Variants in EPHA6 observed in about 807,000 individuals in gnomAD.
The protein encoded by EPHA6 is EPH receptor A6.
EPHA6 carries 50 observed loss-of-function variants against 112.0 expected under a neutral mutation model. That is an observed-to-expected ratio of 0.45 (90% confidence interval 0.36 to 0.56). The LOEUF is 0.56. Among genes scored for constraint, EPHA6 ranks in the 20% least tolerant of loss-of-function variants. The pLI is 0.00. For missense variants in EPHA6, 1,280 were observed against 1,417.4 expected (o/e 0.90, Z 1.56); for synonymous variants, 529 against 490.7 (o/e 1.08, Z -1.03).
At position 97,263,527 on chromosome 3, in the gene EPHA6, C is replaced by T. The variant is rs377703739; in HGVS notation, c.1606+19240C>T. Among the ~76,000 whole-genome samples, 572 of 150,644 alleles carry T rather than the reference C, an allele frequency of 3.8e-3. 2 individuals are homozygous for T. Among genetic ancestry groups the T allele is most frequent in the African/African-American group, 0.013 (534 of 41,194 alleles). On this transcript the variant is annotated intron_variant, in intron 5 of 17. Coordinates refer to ENST00000389672, the MANE Select transcript of EPHA6 (RefSeq NM_001080448.3). ...CAATGCAACTACTTACTTTTCTTAA[C>T]TTACAATAATATAATAAAAATATAT...
At position 97,349,428 on chromosome 3, in the gene EPHA6, A is replaced by G. The variant is rs538604387; in HGVS notation, c.1607-55722A>G. 2.0e-5 allele frequency among the ~76,000 whole-genome samples: 3 copies of G among 152,166 alleles called. No homozygotes were observed. In the South Asian group the frequency reaches 6.2e-4, roughly 32 times the overall value. On this transcript the variant is annotated intron_variant, in intron 5 of 17. Coordinates refer to ENST00000389672, the MANE Select transcript of EPHA6 (RefSeq NM_001080448.3). ...TAATCAACAACTCCTCACACATACC[A>G]TTGTCAGCATCATCAACCCATATTT...
chr3:97,406,738 C>CATAG (rs1464210740), intron 6 of EPHA6, among the ~76,000 whole-genome samples: 4 of 152,072 alleles, frequency 2.6e-5, no homozygotes, highest in Non-Finnish European at 5.9e-5. Flanking sequence ...CTTTAAGTGA[C>CATAG]ATAGATAAAT....
At chr3:97,673,341 G>A (rs954786123) in intron 14 of EPHA6, among the ~76,000 whole-genome samples, 3 of 152,178 alleles carry the variant, frequency 2.0e-5, no homozygotes, top group Middle Eastern at 3.2e-3. Flanking sequence ...GAATGGGATG[G>A]CATGAACATT....
intron 11 of EPHA6, among the ~76,000 whole-genome samples, chr3:97,557,008 T>C (rs2093121078): frequency 6.6e-6 from 1 of 152,020 alleles, no homozygotes; most frequent in African/African-American, 2.4e-5. Context: ...ATTATATGAG[T>C]GTATTCTCTT....
chr3:96,836,990 G>A (rs560965717), intron 1 of EPHA6, among the ~76,000 whole-genome samples: 3 of 152,162 alleles, frequency 2.0e-5, no homozygotes, highest in African/African-American at 4.8e-5. Flanking sequence ...TAACTTACCC[G>A]AAAACACTCA....
chr3:97,292,344 G>C (rs764775289), intron 5 of EPHA6, among the ~76,000 whole-genome samples: 1 of 152,238 alleles, frequency 6.6e-6, no homozygotes, highest in Non-Finnish European at 1.5e-5. Context: ...AAAAGTTTCA[G>C]CCCTGTTTAT....
intron 7 of EPHA6, among the ~76,000 whole-genome samples, chr3:97,474,903 C>T (rs979157371): frequency 3.3e-5 from 5 of 151,984 alleles, no homozygotes; most frequent in African/African-American, 9.7e-5. Context: ...GTATAAAGAA[C>T]ATCATTCTTA....
chr3:97,214,481 C>CAAAA (rs1166034294), intron 3 of EPHA6, among the ~76,000 whole-genome samples: 1 of 63,030 alleles, frequency 1.6e-5, no homozygotes, highest in African/African-American at 4.3e-5. Flanking sequence ...AACTTTGTCT[C>CAAAA]AAAAAAAAAA....
rs192218990 is a variant in EPHA6 at position 97,429,997 on chromosome 3, A to G, written c.1732-18571A>G. The stretch of plus-strand genomic sequence containing the variant: ...CCTCCGTGGGCTTACTAAGCCAGAC[A>G]AGCTTCCAAAGAGAATGTGATGTTT... On this transcript the variant is annotated intron_variant, in intron 6 of 17. Transcript: ENST00000389672. Among the ~76,000 whole-genome samples, 13 of 152,338 alleles carry G rather than the reference A, an allele frequency of 8.5e-5. No individual in the cohort carries two copies. The East Asian group carries it at 2.3e-3, about 27-fold the overall frequency.
intron 3 of EPHA6, among the ~76,000 whole-genome samples, chr3:97,207,486 G>A (rs565561887): frequency 2.3e-4 from 35 of 152,246 alleles, no homozygotes; most frequent in Non-Finnish European, 4.3e-4. Context: ...AGACAAGTTT[G>A]TGTATGTTGA....
chr3:96,833,234 A>G (rs997312859), intron 1 of EPHA6, among the ~76,000 whole-genome samples: 1 of 150,160 alleles, frequency 6.7e-6, no homozygotes, highest in South Asian at 2.1e-4. Context: ...ATTTGTTCAC[A>G]GACATGTACA....
At chr3:97,163,345 A>G (rs569831319) in intron 3 of EPHA6, among the ~76,000 whole-genome samples, 3 of 152,046 alleles carry the variant, frequency 2.0e-5, no homozygotes, top group African/African-American at 7.2e-5. Context: ...TAGCAAACAA[A>G]CCTTTTCCAG....
intron 3 of EPHA6, among the ~76,000 whole-genome samples, chr3:97,128,672 C>T (rs185998348): frequency 1.5e-3 from 235 of 152,002 alleles, no homozygotes; most frequent in Middle Eastern, 6.8e-3. Flanking sequence ...AGAGCCACCA[C>T]GCCTGGCTAA....
At chr3:96,847,122 C>A (rs1047760528) in intron 1 of EPHA6, among the ~76,000 whole-genome samples, 1 of 151,966 alleles carries the variant, frequency 6.6e-6, no homozygotes, top group Admixed American at 6.6e-5. Flanking sequence ...TCTTCTAAAT[C>A]CAGTAGAGTG....
chr3:97,525,115 C>G (rs983984565), intron 10 of EPHA6, among the ~76,000 whole-genome samples: 2 of 151,944 alleles, frequency 1.3e-5, no homozygotes. Flanking sequence ...CCTTTGGATA[C>G]TCTCATAAAT....
Position 97,330,857 on chromosome 3 carries a change from G to A in EPHA6, c.1607-74293G>A, listed in dbSNP as rs571906790. Among the ~76,000 whole-genome samples the A allele has an allele frequency of 9.9e-5, 15 of 152,144 alleles. No homozygotes were observed. The South Asian group carries it at 3.1e-3, about 32-fold the overall frequency. Reference sequence around the variant, plus strand: ...ATCAACGAGACAGAAAGTTAACAAGGATATCCGGGAACTGAACTCAGCTCT... The same window carrying A: ...ATCAACGAGACAGAAAGTTAACAAGAATATCCGGGAACTGAACTCAGCTCT... On this transcript the variant is annotated intron_variant, in intron 5 of 17. Transcript: ENST00000389672.
At chr3:97,043,150 T>C (rs1279608712) in intron 3 of EPHA6, among the ~76,000 whole-genome samples, 1 of 152,094 alleles carries the variant, frequency 6.6e-6, no homozygotes, top group African/African-American at 2.4e-5. Context: ...TCCCTAAATA[T>C]GTGGAAATTG....
intron 3 of EPHA6, among the ~76,000 whole-genome samples, chr3:97,024,988 C>G (rs2044587995): frequency 6.6e-6 from 1 of 152,114 alleles, no homozygotes; most frequent in African/African-American, 2.4e-5. Context: ...AATGCTGCCT[C>G]TGTATATGTA....
intron 3 of EPHA6, among the ~76,000 whole-genome samples, chr3:97,207,385 G>A (rs1253760974): frequency 1.3e-5 from 2 of 152,142 alleles, no homozygotes; most frequent in Non-Finnish European, 2.9e-5. Flanking sequence ...ATACTCTGAT[G>A]TTAAGATGGT....
Sources: gnomAD v4.1 joint callset for allele counts (sites outside exome capture counted in the v4.1 genomes callset) on GRCh38, gnomAD v4.1.1 for gene constraint, MANE v1.5 for transcripts, NCBI Gene and HGNC (gene_info 2026-07-23, HGNC 2026-07-21) for gene names.